The following SEC14L1 variants were observed in gnomAD, a reference collection of about 807,000 sequenced individuals.
SEC14L1 encodes the protein SEC14-like protein 1.
Under a neutral mutation model 85.3 loss-of-function variants are expected in SEC14L1, and 48 were observed. That is an observed-to-expected ratio of 0.56 (90% CI 0.45 to 0.72). The LOEUF is 0.72. Ranked by LOEUF, SEC14L1 falls within the 30% of genes least tolerant of loss-of-function variation. SEC14L1 has a pLI of 0.00. For synonymous variants in SEC14L1, 391 were observed against 355.5 expected (o/e 1.10, Z -1.12); for missense variants, 682 against 921.4 (o/e 0.74, Z 3.36).
chr17:77,176,259 C>G (rs1974752588), intron 3 of SEC14L1, among the ~76,000 whole-genome samples: 1 of 151,962 alleles, frequency 6.6e-6, no homozygotes, highest in Admixed American at 6.5e-5. Flanking sequence ...TATTACACTC[C>G]AGCTTGGGCA....
chr17:77,211,911 C>T (rs1425172842), intron 14 of SEC14L1, 39 bp from the exon 15 acceptor site: 8 of 1,604,988 alleles, frequency 5.0e-6, no homozygotes, highest in East Asian at 2.2e-5. Context: ...CGGCCTGGTG[C>T]TCGTGGATCG....
rs148071400 is a variant in SEC14L1, at chr17:77,202,164, G to A, written c.1010-1406G>A. Among the ~76,000 whole-genome samples the A allele has an allele frequency of 5.5e-4, 84 of 152,228 alleles. 2 individuals are homozygous for A. The East Asian group carries it at 0.015, about 27-fold the overall frequency. ...GATAGGAGTTAGGCTCCTCTCAGGCGGCACCCATTAGACCTCCAGGCTATA... is the reference window on the plus strand; with the variant it reads ...GATAGGAGTTAGGCTCCTCTCAGGCAGCACCCATTAGACCTCCAGGCTATA... On this transcript the variant is annotated intron_variant, in intron 9 of 16. Coordinates refer to ENST00000436233, the MANE Select transcript of SEC14L1 (RefSeq NM_001143998.2).
intron 3 of SEC14L1, among the ~76,000 whole-genome samples, chr17:77,130,651 G>C (rs1017115180): frequency 2.6e-5 from 4 of 151,800 alleles, no homozygotes; most frequent in African/African-American, 9.7e-5. Context: ...ACAGGTTCTC[G>C]TTCTGTCACC....
intron 3 of SEC14L1, among the ~76,000 whole-genome samples, chr17:77,113,952 C>T (rs517459): frequency 0.3 from 46,142 of 151,982 alleles, 7,400 homozygotes; most frequent in Non-Finnish European, 0.35. Flanking sequence ...ATTATTCCCA[C>T]CTTGTGCAGA....
intron 3 of SEC14L1, among the ~76,000 whole-genome samples, chr17:77,131,741 A>G (rs1032860329): frequency 7.2e-5 from 11 of 152,230 alleles, no homozygotes; most frequent in African/African-American, 2.4e-5. Flanking sequence ...GATGATCTTG[A>G]ATGGTAGGCT....
chr17:77,141,691 T>C (rs1598286698), intron 1 of SEC14L1: 1 of 152,314 alleles, frequency 6.6e-6, no homozygotes, highest in African/African-American at 2.4e-5. Context: ...CTGGCTGTGG[T>C]TCACAAGCTC....
intron 6 of SEC14L1, among the ~76,000 whole-genome samples, chr17:77,194,090 C>T (rs1975678505): frequency 6.6e-6 from 1 of 152,158 alleles, no homozygotes; most frequent in Non-Finnish European, 1.5e-5. Context: ...ATATTGAGTA[C>T]AAGTACCCTA....
chr17:77,127,185 G>GTCCATGTGT (rs1972474477), intron 3 of SEC14L1, among the ~76,000 whole-genome samples: 1 of 151,314 alleles, frequency 6.6e-6, no homozygotes, highest in South Asian at 2.1e-4. Flanking sequence ...CCCTCTCTGT[G>GTCCATGTGT]TCCATGTGTT....
rs114029378 is a variant in SEC14L1, at chr17:77,201,942, C to T, written c.1009+1269C>T. On this transcript the variant is annotated intron_variant, in intron 9 of 16. Coordinates refer to ENST00000436233, the MANE Select transcript of SEC14L1 (RefSeq NM_001143998.2). ...TCTAACCCTCTGCCCCATGCTGGGA[C>T]GACACTGCTGGTCTTCTGGTAACCA... is the stretch of plus-strand genomic sequence containing the variant. Among the ~76,000 whole-genome samples, 1,406 of 152,312 alleles carry T rather than the reference C, an allele frequency of 9.2e-3. 26 individuals are homozygous for T. The highest frequency in any genetic ancestry group is 0.03 in the African/African-American group (1,267 of 41,562).
At chr17:77,177,261 A>G (rs775182319) in intron 3 of SEC14L1, among the ~76,000 whole-genome samples, 1 of 151,794 alleles carries the variant, frequency 6.6e-6, no homozygotes, top group Non-Finnish European at 1.5e-5. Flanking sequence ...TTTAAAACAT[A>G]GAGCCCCCGG....
chr17:77,194,342 C>T (rs1391754665), intron 6 of SEC14L1, among the ~76,000 whole-genome samples: 1 of 152,010 alleles, frequency 6.6e-6, no homozygotes, highest in Non-Finnish European at 1.5e-5. Flanking sequence ...ATTGCTCGAG[C>T]CCAAGAGTTC....
chr17:77,162,580 C>T (rs568378942), intron 3 of SEC14L1, among the ~76,000 whole-genome samples: 1 of 152,108 alleles, frequency 6.6e-6, no homozygotes, highest in Non-Finnish European at 1.5e-5. Flanking sequence ...CACCTGTAAT[C>T]CCAGCACTTT....
chr17:77,120,547 G>T (rs985800733), intron 3 of SEC14L1, among the ~76,000 whole-genome samples: 3 of 151,878 alleles, frequency 2.0e-5, no homozygotes, highest in Non-Finnish European at 2.9e-5. Context: ...CACGATCTCG[G>T]CTCACTGTAA....
chr17:77,208,562 G>C (rs930087340), intron 13 of SEC14L1, among the ~76,000 whole-genome samples: 3 of 152,196 alleles, frequency 2.0e-5, no homozygotes, highest in African/African-American at 4.8e-5. Context: ...CTGAGCTGCT[G>C]TTGAGGCTGA....
At position 77,203,510 on chromosome 17, in the gene SEC14L1, T is replaced by G. The variant is rs1325742165; in HGVS notation, c.1010-60T>G. 8 of 1,424,094 alleles carry G rather than the reference T, an allele frequency of 5.6e-6. No homozygotes were observed. In the East Asian group the frequency reaches 1.8e-4, roughly 33 times the overall value. 88.2% of individuals were successfully genotyped at this position (1,424,094 alleles called of 1,614,324 possible). A position where few individuals can be genotyped will look rare whatever the true frequency, so the allele number is the denominator to read the frequency against. ...CATATTCCTGTTAAGGGTCTTAGAG[T>G]TGTATCCTCAGTTTCAACTGGGATG... is the stretch of plus-strand genomic sequence containing the variant. On this transcript the variant is annotated intron_variant, in intron 9 of 16. Coordinates refer to ENST00000436233, the MANE Select transcript of SEC14L1 (RefSeq NM_001143998.2).
At chr17:77,126,797 A>G (rs927999267) in intron 3 of SEC14L1, among the ~76,000 whole-genome samples, 2 of 152,134 alleles carry the variant, frequency 1.3e-5, no homozygotes, top group African/African-American at 4.8e-5. Flanking sequence ...TTTGTGGGCA[A>G]TGGTGATGGG....
At chr17:77,099,910 G>A (rs1427646321) in intron 3 of SEC14L1, among the ~76,000 whole-genome samples, 1 of 151,154 alleles carries the variant, frequency 6.6e-6, no homozygotes, top group African/African-American at 2.4e-5. Flanking sequence ...GTTTTTTGTT[G>A]TTTTTTTTTA....
chr17:77,202,919 T>TA (rs1195508617), intron 9 of SEC14L1, among the ~76,000 whole-genome samples: 3 of 112,730 alleles, frequency 2.7e-5, no homozygotes, highest in East Asian at 2.8e-4. Flanking sequence ...ACTCTCTCTC[T>TA]AAAAAAAATA....
chr17:77,171,657 CTG>C (rs558717929), intron 3 of SEC14L1, among the ~76,000 whole-genome samples: 168 of 152,326 alleles, frequency 1.1e-3, no homozygotes, highest in Non-Finnish European at 2.0e-3. Context: ...TACTTGGAGT[CTG>C]TATAAATAGT....
Sources: allele counts gnomAD v4.1 joint callset (sites outside exome capture counted in the v4.1 genomes callset), GRCh38; gene constraint gnomAD v4.1.1; transcripts MANE v1.5; gene names NCBI Gene and HGNC (gene_info 2026-07-23, HGNC 2026-07-21).